The following RNF145 variants were observed in gnomAD, a reference collection of about 807,000 sequenced individuals.
The protein encoded by RNF145 is ring finger protein 145.
Under a neutral mutation model 57.3 loss-of-function variants are expected in RNF145, and 12 were observed. The observed-to-expected ratio is 0.21, with a 90% CI of 0.13 to 0.34. The LOEUF (loss-of-function observed/expected upper bound fraction) is 0.34, where lower values mean the gene tolerates loss of function less well. Among genes scored for constraint, RNF145 ranks in the 10% least tolerant of loss-of-function variants. The pLI, the probability that RNF145 is intolerant of heterozygous loss-of-function variation, is 1.00. For missense variants in RNF145, 429 were observed against 799.0 expected (o/e 0.54, Z 5.58); for synonymous variants, 262 against 288.3 (o/e 0.91, Z 0.92).
At chr5:159,182,442 C>T (rs915590498) in intron 3 of RNF145, among the ~76,000 whole-genome samples, 2 of 152,016 alleles carry the variant, frequency 1.3e-5, no homozygotes, top group Admixed American at 6.6e-5. Flanking sequence ...CACCATCACC[C>T]CACCCTCATC....
chr5:159,209,498 C>CCGG lies in RNF145; in HGVS notation c.-310_-308dup, dbSNP rs1179571034. The stretch of plus-strand genomic sequence containing the variant: ...GGGCCGAGCCCCTTAGCAGCCGGCG[C>CCGG]CGGCGTCGGCGGCCATGGCCTCCTG... On this transcript the variant is annotated 5_prime_UTR_variant, in exon 1 of 11. Transcript: ENST00000424310. The CCGG allele has an allele frequency of 2.9e-6, 1 of 339,928 alleles. No homozygotes were observed. The highest frequency in any genetic ancestry group is 1.9e-4 in the African/African-American group (1 of 5,402). The allele number at this position is 339,928 out of a possible 1,614,324, so 21.1% of individuals were successfully genotyped here.
upstream of RNF145, chr5:159,209,850 C>T: frequency 6.5e-7 from 1 of 1,536,016 alleles, no homozygotes; most frequent in Non-Finnish European, 8.7e-7. Context: ...CACCCACACT[C>T]ACCTGCAGGG....
At chr5:159,206,172 C>A (rs562498361) in intron 1 of RNF145, among the ~76,000 whole-genome samples, 1 of 152,252 alleles carries the variant, frequency 6.6e-6, no homozygotes, top group South Asian at 2.1e-4. Context: ...TATCCAAGAT[C>A]CCCCTCTACT....
chr5:159,169,569 C>A (rs1209705753), intron 7 of RNF145, 110 bp downstream of exon 7: 9 of 868,964 alleles, frequency 1.0e-5, no homozygotes, highest in Non-Finnish European at 1.3e-5. Context: ...CAAAAAAAAC[C>A]TCTCCAATTC....
intron 1 of RNF145, among the ~76,000 whole-genome samples, chr5:159,207,085 T>C (rs1785914515): frequency 6.6e-6 from 1 of 152,216 alleles, no homozygotes; most frequent in Admixed American, 6.5e-5. Context: ...TCCGTAATTA[T>C]GAAAACAGTA....
At chr5:159,209,652 C>T, upstream of RNF145, 1 of 974,430 alleles carries the variant, frequency 1.0e-6, no homozygotes. Context: ...ACAATCGCGC[C>T]CGCGGAGTGC....
At chr5:159,183,549 TTATA>T (rs1298796911) in intron 3 of RNF145, among the ~76,000 whole-genome samples, 1 of 152,268 alleles carries the variant, frequency 6.6e-6, no homozygotes, top group African/African-American at 2.4e-5. Context: ...ATCAATGGAA[TTATA>T]TAGTTAGAAA....
At chr5:159,163,245 G>C (rs1043043024) in intron 8 of RNF145, among the ~76,000 whole-genome samples, 166 bp from the exon 9 acceptor site, 1 of 152,108 alleles carries the variant, frequency 6.6e-6, no homozygotes, top group Non-Finnish European at 1.5e-5. Flanking sequence ...AGTCACACAG[G>C]CTTGGCATGT....
intron 8 of RNF145, among the ~76,000 whole-genome samples, chr5:159,168,076 AT>A (rs1308666148): frequency 6.6e-6 from 1 of 152,168 alleles, no homozygotes; most frequent in East Asian, 1.9e-4. Flanking sequence ...TCCTTACAGA[AT>A]TTCCTTGTAT....
rs147856318 is a variant in RNF145, at chr5:159,196,925, C to T, written c.185-2101G>A. The stretch of plus-strand genomic sequence containing the variant: ...TCCTATATATCGCATATAAAATCAG[C>T]GGCCAAATCTTCTAGATCAAACATA... On this transcript the variant is annotated intron_variant, in intron 2 of 10. Coordinates refer to ENST00000424310, the MANE Select transcript of RNF145 (RefSeq NM_001199383.2). Among the ~76,000 whole-genome samples, 626 of 152,236 alleles carry T rather than the reference C, an allele frequency of 4.1e-3. 7 individuals carry two copies. Among genetic ancestry groups the T allele is most frequent in the African/African-American group, 0.014 (586 of 41,542 alleles).
chr5:159,208,097 A>C, intron 1 of RNF145: 5 of 1,458,666 alleles, frequency 3.4e-6, no homozygotes, highest in Non-Finnish European at 4.5e-6. Context: ...TGCTCACTGC[A>C]CAGGCCCCTT....
chr5:159,194,892 A>G, intron 2 of RNF145, 68 bp from the exon 3 acceptor site: 1 of 1,091,786 alleles, frequency 9.2e-7, no homozygotes. Context: ...TAAAAGAAAG[A>G]GCTTGAGACA....
At chr5:159,186,042 G>A (rs149340081) in intron 3 of RNF145, among the ~76,000 whole-genome samples, 6 of 152,212 alleles carry the variant, frequency 3.9e-5, no homozygotes, top group Admixed American at 2.6e-4. Flanking sequence ...TGGACAACAC[G>A]GTGAAACTCC....
At chr5:159,199,776 A>C (rs1379805489) in intron 2 of RNF145, among the ~76,000 whole-genome samples, 1 of 152,172 alleles carries the variant, frequency 6.6e-6, no homozygotes, top group Non-Finnish European at 1.5e-5. Flanking sequence ...GATTCTTCAC[A>C]AAAGCCCTAT....
At chr5:159,175,389 C>T (rs1042412989) in intron 5 of RNF145, among the ~76,000 whole-genome samples, 27 of 152,166 alleles carry the variant, frequency 1.8e-4, no homozygotes, top group African/African-American at 6.3e-4. Flanking sequence ...ACAACTACAT[C>T]TAGTTGATGT....
intron 1 of RNF145, among the ~76,000 whole-genome samples, chr5:159,204,778 T>C (rs1785811635): frequency 1.7e-5 from 2 of 118,724 alleles, no homozygotes; most frequent in Non-Finnish European, 3.1e-5. Flanking sequence ...CACTCCAGCC[T>C]AGGCAACTGA....
At chr5:159,180,805 C>T (rs1784866209) in intron 4 of RNF145, among the ~76,000 whole-genome samples, 1 of 152,092 alleles carries the variant, frequency 6.6e-6, no homozygotes, top group South Asian at 2.1e-4. Context: ...ACACATACAG[C>T]ACACCTTAAT....
At chr5:159,161,201 A>G (rs1784204293) in intron 10 of RNF145, 65 bp downstream of exon 10, 6 of 978,888 alleles carry the variant, frequency 6.1e-6, no homozygotes, top group Non-Finnish European at 8.9e-6. Flanking sequence ...TTTGGTTAAT[A>G]TGGTTACAGT....
chr5:159,206,758 G>GA (rs1785900657), intron 1 of RNF145, among the ~76,000 whole-genome samples: 1 of 152,112 alleles, frequency 6.6e-6, no homozygotes, highest in African/African-American at 2.4e-5. Context: ...GCTGAAAGCA[G>GA]AAAAAACCGA....
Sources: allele counts gnomAD v4.1 joint callset (sites outside exome capture counted in the v4.1 genomes callset), GRCh38; gene constraint gnomAD v4.1.1; transcripts MANE v1.5; gene names NCBI Gene and HGNC (gene_info 2026-07-23, HGNC 2026-07-21).